Variants in TPO observed in about 807,000 individuals in gnomAD.
TPO encodes the protein thyroid peroxidase, also known as thyroid microsomal antigen.
A neutral mutation model predicts 96.9 loss-of-function variants in TPO; 78 were observed. The observed-to-expected ratio is 0.81, with a 90% confidence interval of 0.67 to 0.97. The LOEUF (loss-of-function observed/expected upper bound fraction) is 0.97. TPO is among the 50% of genes least tolerant of loss of function. The pLI, the probability that TPO is intolerant of heterozygous loss-of-function variation, is 0.00. For missense variants in TPO, 1,252 were observed against 1,274.8 expected (o/e 0.98, Z 0.27); for synonymous variants, 547 against 538.0 (o/e 1.02, Z -0.23).
rs1399388 is a variant in TPO, at chr2:1,402,124, A to G, written n.180+27722A>G. Among the ~76,000 whole-genome samples the G allele has an allele frequency of 6.9e-3, 1,056 of 152,290 alleles. 12 individuals carry two copies. Among genetic ancestry groups the G allele is most frequent in the African/African-American group, 0.023 (966 of 41,550 alleles). On this transcript the variant is annotated intron_variant and non_coding_transcript_variant, in intron 1 of 5. Coordinates refer to the TPO transcript ENST00000497517. ...CTCTGGCCACATCTCCATCCTGTGG[A>G]TTCCGTATGCAGCCAAGTGGGCCCC...
chr2:1,481,772 G>A (rs774323622), intron 8 of TPO, among the ~76,000 whole-genome samples: 8 of 152,166 alleles, frequency 5.3e-5, no homozygotes, highest in Admixed American at 2.0e-4. Context: ...CCCCACCCAG[G>A]CCCCTTTATC....
At chr2:1,525,909 TC>T (rs1676350904) in intron 15 of TPO, among the ~76,000 whole-genome samples, 1 of 117,372 alleles carries the variant, frequency 8.5e-6, no homozygotes, top group Non-Finnish European at 1.7e-5. Flanking sequence ...TGCAACCTCC[TC>T]AAATCCCCCC....
chr2:1,531,206 G>A (rs1678122702), intron 15 of TPO, among the ~76,000 whole-genome samples: 1 of 101,320 alleles, frequency 9.9e-6, no homozygotes, highest in South Asian at 3.2e-4. Flanking sequence ...CACACTGTCT[G>A]CAACCACCCC....
intron 5 of TPO, among the ~76,000 whole-genome samples, chr2:1,451,067 C>T (rs550297907): frequency 1.3e-5 from 2 of 152,290 alleles, no homozygotes; most frequent in East Asian, 1.9e-4. Context: ...AGCCTCCTGC[C>T]GCTGCTGACC....
intron 15 of TPO, among the ~76,000 whole-genome samples, chr2:1,523,505 ACTCTATGCAACCTCCCCAAATCCCCCCC>A (rs748476776): frequency 0.019 from 180 of 9,336 alleles, 2 homozygotes; most frequent in Non-Finnish European, 0.031. Flanking sequence ...AATCCCCCCG[ACTCTATGCAACCTCCCCAAATCCCCCCC>A]ACTCTGAGCA....
intron 5 of TPO, chr2:1,439,043 C>A (rs890134822): frequency 1.8e-6 from 1 of 545,798 alleles, no homozygotes; most frequent in Non-Finnish European, 3.3e-6. Context: ...TCAAAAAAAA[C>A]TCTTTAAAAA....
chr2:1,442,278 C>T (rs1388147302), intron 5 of TPO, among the ~76,000 whole-genome samples: 1 of 152,166 alleles, frequency 6.6e-6, no homozygotes. Flanking sequence ...GAAATAGATG[C>T]AATCAGGGTG....
chr2:1,445,273 T>C (rs1409715824), intron 5 of TPO, among the ~76,000 whole-genome samples: 72 of 127,496 alleles, frequency 5.6e-4, no homozygotes, highest in African/African-American at 2.0e-3. Context: ...CAATCACTGC[T>C]GCAGGAGGCA....
At chr2:1,530,841 A>C (rs1415387349) in intron 15 of TPO, among the ~76,000 whole-genome samples, 3 of 122,626 alleles carry the variant, frequency 2.4e-5, no homozygotes, top group African/African-American at 9.8e-5. Flanking sequence ...CACTGCGTGC[A>C]ACCTCCCCAA....
At chr2:1,454,693 A>G (rs6588667) in intron 6 of TPO, among the ~76,000 whole-genome samples, 141,330 of 152,132 alleles carry the variant, frequency 0.93, 65,724 homozygotes, top group South Asian at 0.98. Flanking sequence ...AATCCCTAAA[A>G]TGGGATAAGA....
At chr2:1,475,592 T>C (rs1669831460) in intron 7 of TPO, among the ~76,000 whole-genome samples, 1 of 151,334 alleles carries the variant, frequency 6.6e-6, no homozygotes, top group Non-Finnish European at 1.5e-5. Flanking sequence ...CCCGGCTAAT[T>C]TTTTGTATTT....
chr2:1,409,794 G>GCACACA (rs10659188), upstream of TPO, among the ~76,000 whole-genome samples: 1 of 150,336 alleles, frequency 6.7e-6, no homozygotes, highest in African/African-American at 2.4e-5. Context: ...AACAGTGCGC[G>GCACACA]CACACACACA....
rs190353221 is a variant in TPO at position 1,442,182 on chromosome 2, G to T, written c.482+5798G>T. On this transcript the variant is annotated intron_variant, in intron 5 of 16. Transcript: ENST00000329066. ...AACCTCCTTTTCTTCTCAGACTCAGGTATGTCTTTATCAGCAGCATGAAAA... is the reference window on the plus strand; with the variant it reads ...AACCTCCTTTTCTTCTCAGACTCAGTTATGTCTTTATCAGCAGCATGAAAA... Among the ~76,000 whole-genome samples the T allele has an allele frequency of 4.3e-4, 65 of 152,282 alleles. 1 individual carries two copies. Among genetic ancestry groups the T allele is most frequent in the Non-Finnish European group, 6.0e-4 (41 of 68,032 alleles).
chr2:1,391,987 C>T (rs1662008462), intron 1 of TPO, among the ~76,000 whole-genome samples: 1 of 152,150 alleles, frequency 6.6e-6, no homozygotes, highest in Non-Finnish European at 1.5e-5. Flanking sequence ...TTCCTCTTTT[C>T]CTAATTGAAT....
At chr2:1,503,491 G>T (rs1271604134) in intron 13 of TPO, among the ~76,000 whole-genome samples, 1 of 152,192 alleles carries the variant, frequency 6.6e-6, no homozygotes, top group Non-Finnish European at 1.5e-5. Context: ...GAGCAGGAGG[G>T]GACCCCACAT....
At chr2:1,468,884 G>A (rs1203036255) in intron 7 of TPO, among the ~76,000 whole-genome samples, 5 of 152,160 alleles carry the variant, frequency 3.3e-5, no homozygotes, top group Non-Finnish European at 5.9e-5. Flanking sequence ...CAGACATCTT[G>A]GAGGCTATCT....
At chr2:1,422,262 T>C (rs1302908751) in intron 2 of TPO, among the ~76,000 whole-genome samples, 1 of 41,120 alleles carries the variant, frequency 2.4e-5, no homozygotes, top group African/African-American at 1.5e-4. Context: ...GGGACGAGCA[T>C]GGAAGGCGCG....
chr2:1,448,453 C>T (rs924086754), intron 5 of TPO, among the ~76,000 whole-genome samples: 9 of 152,212 alleles, frequency 5.9e-5, no homozygotes, highest in Non-Finnish European at 1.2e-4. Context: ...GAGCCATCCC[C>T]TTCCTCATCT....
chr2:1,419,862 G>T (rs1359902839), intron 2 of TPO, among the ~76,000 whole-genome samples: 4 of 152,162 alleles, frequency 2.6e-5, no homozygotes, highest in Non-Finnish European at 5.9e-5. Context: ...TTCCTCCTGT[G>T]ACTCTGCCTT....
Sources: allele counts gnomAD v4.1 joint callset (sites outside exome capture counted in the v4.1 genomes callset), GRCh38; gene constraint gnomAD v4.1.1; transcripts MANE v1.5; gene names NCBI Gene and HGNC (gene_info 2026-07-23, HGNC 2026-07-21).